The following ANKRD6 variants were observed in gnomAD, a reference collection of about 807,000 sequenced individuals.
ANKRD6 encodes ankyrin repeat domain-containing protein 6.
In ANKRD6, 56 loss-of-function variants were observed where a neutral mutation model predicts 82.3. The observed-to-expected ratio is 0.68, with a 90% confidence interval of 0.55 to 0.85. The LOEUF is 0.85. Ranked by LOEUF, ANKRD6 falls within the 40% of genes least tolerant of loss-of-function variation. The pLI, the probability that ANKRD6 is intolerant of heterozygous loss-of-function variation, is 0.00. For missense variants in ANKRD6, 852 were observed against 907.6 expected (o/e 0.94, Z 0.79); for synonymous variants, 347 against 352.1 (o/e 0.99, Z 0.16).
At chr6:89,434,695 G>A (rs994004471) in intron 1 of ANKRD6, among the ~76,000 whole-genome samples, 1 of 152,112 alleles carries the variant, frequency 6.6e-6, no homozygotes, top group African/African-American at 2.4e-5. Flanking sequence ...AAAGTGTTGG[G>A]ATTACAGGTG....
At chr6:89,591,697 A>G (rs1794952586) in intron 2 of ANKRD6, among the ~76,000 whole-genome samples, 2 of 152,232 alleles carry the variant, frequency 1.3e-5, no homozygotes, top group South Asian at 4.1e-4. Flanking sequence ...AAAACCAAGT[A>G]CATGTCTGCT....
At chr6:89,441,628 T>A (rs1380472262) in intron 1 of ANKRD6, among the ~76,000 whole-genome samples, 1 of 137,548 alleles carries the variant, frequency 7.3e-6, no homozygotes, top group Non-Finnish European at 1.5e-5. Context: ...TCCTTTTTTT[T>A]TTTTTTTTTT....
At position 89,608,667 on chromosome 6, in the gene ANKRD6, T is replaced by C. The variant is rs16881995; in HGVS notation, c.417+2562T>C. On this transcript the variant is annotated intron_variant, in intron 5 of 15. Transcript: ENST00000339746. The stretch of plus-strand genomic sequence containing the variant: ...TGGCTCTCACTACTTTTCCATTGGT[T>C]CATTAGAGAGCATAGTTAAGCAAGC... Among the ~76,000 whole-genome samples the C allele has an allele frequency of 4.6e-3, 701 of 152,156 alleles. 6 individuals carry two copies. The highest frequency in any genetic ancestry group is 0.016 in the African/African-American group (643 of 41,470).
At chr6:89,578,196 G>A (rs1399834965) in intron 2 of ANKRD6, among the ~76,000 whole-genome samples, 1 of 151,672 alleles carries the variant, frequency 6.6e-6, no homozygotes, top group Non-Finnish European at 1.5e-5. Flanking sequence ...CTTTCATTTG[G>A]TGAGCCAGGA....
At chr6:89,611,338 A>G in intron 5 of ANKRD6, among the ~76,000 whole-genome samples, 1 of 152,236 alleles carries the variant, frequency 6.6e-6, no homozygotes, top group Non-Finnish European at 1.5e-5. Context: ...AGCCTGACCC[A>G]GCACTTGAGC....
At chr6:89,546,352 T>C (rs1316085192) in intron 1 of ANKRD6, among the ~76,000 whole-genome samples, 1 of 152,178 alleles carries the variant, frequency 6.6e-6, no homozygotes, top group African/African-American at 2.4e-5. Context: ...GAATCTTTCA[T>C]ATATATGTAA....
At chr6:89,505,345 A>C (rs908282450) in intron 1 of ANKRD6, among the ~76,000 whole-genome samples, 1 of 152,228 alleles carries the variant, frequency 6.6e-6, no homozygotes, top group Non-Finnish European at 1.5e-5. Context: ...TGTTGTGAAT[A>C]AGTAAGGGAT....
chr6:89,478,799 A>T (rs854869), intron 1 of ANKRD6, among the ~76,000 whole-genome samples: 129,147 of 148,074 alleles, frequency 0.87, 56,507 homozygotes, highest in East Asian at 0.97. Context: ...TAAAAAAAAA[A>T]TTTTTTTAAA....
intron 1 of ANKRD6, chr6:89,562,525 A>T (rs1473193712): frequency 6.6e-6 from 1 of 152,202 alleles, no homozygotes; most frequent in Admixed American, 6.5e-5. Context: ...TCTGAGCGTC[A>T]TTCAGAAATG....
At chr6:89,461,082 T>C (rs1267620697) in intron 1 of ANKRD6, among the ~76,000 whole-genome samples, 1 of 152,048 alleles carries the variant, frequency 6.6e-6, no homozygotes, top group Non-Finnish European at 1.5e-5. Flanking sequence ...TGTATTTATT[T>C]ATTGTTTTTT....
chr6:89,479,173 T>C (rs1776469342), intron 1 of ANKRD6, among the ~76,000 whole-genome samples: 1 of 152,146 alleles, frequency 6.6e-6, no homozygotes, highest in Non-Finnish European at 1.5e-5. Context: ...AAACAGGGCA[T>C]CATGGGAGGC....
intron 2 of ANKRD6, among the ~76,000 whole-genome samples, chr6:89,583,356 CAT>C (rs1793005892): frequency 6.6e-6 from 1 of 152,196 alleles, no homozygotes. Context: ...GGAAAGCAAA[CAT>C]ATGCTGTGAA....
intron 2 of ANKRD6, among the ~76,000 whole-genome samples, chr6:89,595,428 A>C (rs1454213100): frequency 3.3e-5 from 5 of 152,096 alleles, no homozygotes; most frequent in African/African-American, 1.2e-4. Flanking sequence ...CCTGTCTCAA[A>C]GAAAAAAAAA....
At chr6:89,586,364 C>T (rs540881489) in intron 2 of ANKRD6, among the ~76,000 whole-genome samples, 6 of 152,254 alleles carry the variant, frequency 3.9e-5, no homozygotes, top group South Asian at 4.2e-4. Context: ...ATTGGCCTAC[C>T]GTGCTGTGCT....
intron 1 of ANKRD6, among the ~76,000 whole-genome samples, chr6:89,531,515 A>C (rs916480214): frequency 3.9e-5 from 6 of 152,246 alleles, no homozygotes; most frequent in Non-Finnish European, 8.8e-5. Flanking sequence ...ACATCTGCAC[A>C]TGCTGCTTGC....
intron 1 of ANKRD6, among the ~76,000 whole-genome samples, chr6:89,463,133 G>A (rs1433313532): frequency 2.0e-5 from 3 of 152,120 alleles, no homozygotes; most frequent in Non-Finnish European, 4.4e-5. Flanking sequence ...CTCCCAGAGT[G>A]TTGGGATTAC....
In ANKRD6 at chr6:89,610,171, G is replaced by GT. The variant is rs1312021413; in HGVS notation, c.418-2097dup. On this transcript the variant is annotated intron_variant, in intron 5 of 15. Transcript: ENST00000339746. ...GGTATGAAGTCACGCTGTTCTGTGA[G>GT]TTTTGACAAATGTATACGGTTGTGT... is the stretch of plus-strand genomic sequence containing the variant. Among the ~76,000 whole-genome samples, 7 of 152,250 alleles carry GT rather than the reference G, an allele frequency of 4.6e-5. No individual in the cohort carries two copies. In the East Asian group the frequency reaches 1.4e-3, roughly 29 times the overall value.
intron 3 of ANKRD6, among the ~76,000 whole-genome samples, chr6:89,601,252 C>T (rs1011879359): frequency 2.0e-5 from 3 of 152,094 alleles, no homozygotes; most frequent in Non-Finnish European, 4.4e-5. Context: ...GAAAATCAGC[C>T]TGAACCTAAC....
intron 1 of ANKRD6, among the ~76,000 whole-genome samples, chr6:89,457,434 C>T (rs1264036407): frequency 1.3e-5 from 2 of 152,174 alleles, no homozygotes; most frequent in Non-Finnish European, 2.9e-5. Context: ...ACTTACCTTA[C>T]GTGCATGTCA....
Sources: allele counts gnomAD v4.1 joint callset (sites outside exome capture counted in the v4.1 genomes callset), GRCh38; gene constraint gnomAD v4.1.1; transcripts MANE v1.5; gene names NCBI Gene and HGNC (gene_info 2026-07-23, HGNC 2026-07-21).